The following ITGAE variants were observed in gnomAD, a reference collection of about 807,000 sequenced individuals.
ITGAE encodes the protein integrin alpha-E.
A neutral mutation model predicts 136.5 loss-of-function variants in ITGAE; 99 were observed. The ratio of observed to expected loss-of-function variants is 0.73; its 90% CI spans 0.62 to 0.86. The LOEUF (loss-of-function observed/expected upper bound fraction) is 0.86, where lower values mean the gene tolerates loss of function less well. Ranked by LOEUF, ITGAE falls within the 40% of genes least tolerant of loss-of-function variation. ITGAE has a pLI of 0.00. For missense variants in ITGAE, 1,447 were observed against 1,515.3 expected, an observed-to-expected ratio of 0.95 and a Z score of 0.75; for synonymous variants, 613 against 591.8, an observed-to-expected ratio of 1.04 and a Z score of -0.52.
At chr17:3,773,116 G>C in intron 2 of ITGAE, among the ~76,000 whole-genome samples, 1 of 152,240 alleles carries the variant, frequency 6.6e-6, no homozygotes, top group East Asian at 1.9e-4. Flanking sequence ...AGGGTTTCTG[G>C]GACCCTTTCC....
At position 3,753,765 on chromosome 17, in the gene ITGAE, G is replaced by A. The variant is rs773504035; in HGVS notation, c.1527+18C>T. On this transcript the variant is annotated intron_variant, in intron 13 of 30. Transcript: ENST00000263087. The stretch of plus-strand genomic sequence containing the variant: ...TCCCCATCGGTCATAAGGGGTGGAG[G>A]CTTTCCCCAGCAGGTACCTGCTCTC... 1.1e-5 allele frequency: 17 copies of A among 1,613,802 alleles called. 1 individual carries two copies. In the South Asian group the frequency reaches 1.9e-4, roughly 18 times the overall value.
At chr17:3,784,941 G>A (rs1464544144) in intron 1 of ITGAE, among the ~76,000 whole-genome samples, 1 of 152,090 alleles carries the variant, frequency 6.6e-6, no homozygotes, top group African/African-American at 2.4e-5. Flanking sequence ...AGACCAGCCT[G>A]GGCAACATGG....
In ITGAE at chr17:3,757,072, C is replaced by A. The variant is rs148305090; in HGVS notation, c.1083G>T (p.Pro361=). ...ARELNLIASD[P]DETHAFKVTN... is the part of the protein sequence containing the mutation. ...TCACCTTGAAAGCATGGGTCTCATC[C>A]GGGTCTGAGGCGATCAGGTTCAGTT... The change falls in exon 10 of 31, where the codon CCG becomes CCT. Residue 361 remains proline (P), a synonymous_variant. Transcript: ENST00000263087. 1 of 1,614,168 alleles carries A rather than the reference C, an allele frequency of 6.2e-7. No homozygotes were observed. The highest frequency in any genetic ancestry group is 1.6e-4 in the Middle Eastern group (1 of 6,062).
chr17:3,725,804 T>C (rs1447556935), intron 26 of ITGAE: 5 of 1,610,434 alleles, frequency 3.1e-6, no homozygotes, highest in Non-Finnish European at 4.2e-6. Flanking sequence ...CTTCCTTGGC[T>C]ACTGCAAAGA....
At chr17:3,773,518 G>A (rs1386333758) in intron 2 of ITGAE, among the ~76,000 whole-genome samples, 1 of 151,306 alleles carries the variant, frequency 6.6e-6, no homozygotes, top group African/African-American at 2.4e-5. Context: ...AAAGGATACA[G>A]ATGAGGAGAT....
At position 3,723,721 on chromosome 17, in the gene ITGAE, A is replaced by G. The variant is rs1305384386; in HGVS notation, c.3108T>C (p.Ser1036=). 1 of 1,605,406 alleles carries G rather than the reference A, an allele frequency of 6.2e-7. No individual in the cohort carries two copies. Among genetic ancestry groups the G allele is most frequent in the African/African-American group, 1.3e-5 (1 of 74,694 alleles). Residue 1036 remains serine, a synonymous_variant, in exon 27 of 31, where the codon AGT becomes AGC. Transcript: ENST00000263087. ...AACTGTACGCACAAGCGCGCTCCTGACTCCAGGTGCACACCGTGGAGGCCT... is the reference window on the plus strand; with the variant it reads ...AACTGTACGCACAAGCGCGCTCCTGGCTCCAGGTGCACACCGTGGAGGCCT... ...RTQASTVCTW[S]QERACAYSSV...
At chr17:3,790,702 A>C (rs1200381906) in intron 1 of ITGAE, among the ~76,000 whole-genome samples, 20 of 152,168 alleles carry the variant, frequency 1.3e-4, no homozygotes, top group Admixed American at 1.3e-3. Flanking sequence ...AATCCTGAAC[A>C]TAGATATTCT....
intron 14 of ITGAE, 122 bp from the exon 15 acceptor site, chr17:3,751,996 C>T: frequency 2.4e-6 from 2 of 820,534 alleles, no homozygotes; most frequent in South Asian, 1.6e-5. Context: ...AGGATGCACG[C>T]TCGCTGGGCC....
chr17:3,753,933 A>T lies in ITGAE; in HGVS notation c.1385-8T>A. 1 of 1,613,430 alleles carries T rather than the reference A, an allele frequency of 6.2e-7. No individual in the cohort carries two copies. On this transcript the variant is annotated splice_region_variant and splice_polypyrimidine_tract_variant and intron_variant, in intron 12 of 30. Coordinates refer to ENST00000263087, the MANE Select transcript of ITGAE (RefSeq NM_002208.5). ...GCACGGCCACAGCGTAACCTGGGGC[A>T]AGGGTGGTGTGGCTGTGAACACACC...
chr17:3,731,065 G>A, intron 23 of ITGAE, 39 bp downstream of exon 23: 1 of 1,537,526 alleles, frequency 6.5e-7, no homozygotes, highest in Admixed American at 1.7e-5. Context: ...GTCTTCCGGG[G>A]TCATAGCCTG....
At chr17:3,779,888 A>G (rs77594965) in intron 1 of ITGAE, among the ~76,000 whole-genome samples, 2 of 152,184 alleles carry the variant, frequency 1.3e-5, no homozygotes, top group Admixed American at 6.5e-5. Flanking sequence ...GCATGGGAGA[A>G]GGTTTATCTC....
At chr17:3,722,922 G>A (rs2051087020) in intron 28 of ITGAE, among the ~76,000 whole-genome samples, 1 of 152,210 alleles carries the variant, frequency 6.6e-6, no homozygotes, top group African/African-American at 2.4e-5. Flanking sequence ...AAGGCAGGCC[G>A]AAGGTTATTG....
intron 18 of ITGAE, among the ~76,000 whole-genome samples, chr17:3,745,238 T>G (rs34715307): frequency 0.091 from 13,832 of 152,240 alleles, 699 homozygotes; most frequent in Non-Finnish European, 0.12. Flanking sequence ...AGGTGAGGTC[T>G]GATAACGCAT....
intron 12 of ITGAE, 51 bp downstream of exon 12, chr17:3,755,066 G>GCCCCGCCCTCATCAGGTGGC: frequency 1.3e-6 from 2 of 1,535,822 alleles, no homozygotes; most frequent in African/African-American, 1.4e-5. Flanking sequence ...GAGCCTCCAG[G>GCCCCGCCCTCATCAGGTGGC]CCCCGCCCTC....
At chr17:3,790,529 C>A (rs9902053) in intron 1 of ITGAE, among the ~76,000 whole-genome samples, 2,662 of 65,378 alleles carry the variant, frequency 0.041, 75 homozygotes, top group African/African-American at 0.27. Flanking sequence ...CACACACACA[C>A]ACAAAAGAAA....
chr17:3,753,255 C>T, intron 14 of ITGAE, 35 bp downstream of exon 14: 1 of 1,601,504 alleles, frequency 6.2e-7, no homozygotes, highest in Non-Finnish European at 8.5e-7. Context: ...AGTGCCACAG[C>T]CTCAGCAAGC....
chr17:3,793,551 T>C (rs1597374403), intron 1 of ITGAE, among the ~76,000 whole-genome samples: 1 of 152,296 alleles, frequency 6.6e-6, no homozygotes, highest in East Asian at 1.9e-4. Context: ...GCAGGAACAG[T>C]ACAGCCTTCT....
At chr17:3,790,378 A>G (rs938617559) in intron 1 of ITGAE, among the ~76,000 whole-genome samples, 3 of 151,908 alleles carry the variant, frequency 2.0e-5, no homozygotes, top group Non-Finnish European at 4.4e-5. Flanking sequence ...GTAGTGGCGC[A>G]TGCCTGTAGT....
intron 18 of ITGAE, among the ~76,000 whole-genome samples, chr17:3,743,883 A>G (rs1179425959): frequency 6.6e-6 from 1 of 151,088 alleles, no homozygotes; most frequent in Non-Finnish European, 1.5e-5. Context: ...TTGTATTTTT[A>G]GTAGAGACAG....
Sources: gnomAD v4.1 joint callset for allele counts (sites outside exome capture counted in the v4.1 genomes callset) on GRCh38, gnomAD v4.1.1 for gene constraint, MANE v1.5 for transcripts, NCBI Gene and HGNC (gene_info 2026-07-23, HGNC 2026-07-21) for gene names.